CNIH3: variants seen among roughly 807,000 people sequenced by gnomAD.
CNIH3 encodes the protein cornichon family AMPA receptor auxiliary protein 3, also known as protein cornichon homolog 3.
CNIH3 carries 14 observed loss-of-function variants against 24.1 expected under a neutral mutation model. That is an observed-to-expected ratio of 0.58 (90% CI 0.38 to 0.91). The LOEUF (loss-of-function observed/expected upper bound fraction) is 0.91, where lower values mean the gene tolerates loss of function less well. Ranked by LOEUF, CNIH3 falls within the 40% of genes least tolerant of loss-of-function variation. The pLI is 0.00. For missense variants in CNIH3, 178 were observed against 196.8 expected (o/e 0.90, Z 0.57); for synonymous variants, 68 against 73.8 (o/e 0.92, Z 0.40).
intron 1 of CNIH3, among the ~76,000 whole-genome samples, chr1:224,638,761 G>A (rs992479770): frequency 1.3e-5 from 2 of 152,176 alleles, no homozygotes; most frequent in African/African-American, 2.4e-5. Context: ...ATGATACTCC[G>A]TCTTATCTTC....
At chr1:224,526,818 TC>T (rs922877203) in intron 2 of CNIH3, among the ~76,000 whole-genome samples, 4 of 152,134 alleles carry the variant, frequency 2.6e-5, no homozygotes, top group African/African-American at 9.7e-5. Flanking sequence ...CGGGGAGGCC[TC>T]TAGAAGCTTC....
chr1:224,697,274 C>T (rs985581284), intron 3 of CNIH3, among the ~76,000 whole-genome samples: 5 of 152,174 alleles, frequency 3.3e-5, no homozygotes, highest in Admixed American at 1.3e-4. Context: ...AAATTGCTTG[C>T]GGAGGTTAAA....
At chr1:224,456,572 A>G (rs1366971001) in intron 1 of CNIH3, among the ~76,000 whole-genome samples, 1 of 152,068 alleles carries the variant, frequency 6.6e-6, no homozygotes, top group Non-Finnish European at 1.5e-5. Flanking sequence ...CACCACACCC[A>G]GCTAATTTTT....
At chr1:224,689,510 C>T (rs1031508078) in intron 3 of CNIH3, among the ~76,000 whole-genome samples, 3 of 152,192 alleles carry the variant, frequency 2.0e-5, no homozygotes, top group African/African-American at 7.2e-5. Flanking sequence ...GCCTGGGCCT[C>T]CTCCCTCCCG....
intron 1 of CNIH3, among the ~76,000 whole-genome samples, chr1:224,472,041 C>T (rs1313616549): frequency 1.3e-5 from 2 of 152,194 alleles, no homozygotes; most frequent in Non-Finnish European, 2.9e-5. Flanking sequence ...GCAGATATCT[C>T]TTCGATATAC....
chr1:224,491,908 C>A (rs1480055950), intron 1 of CNIH3, among the ~76,000 whole-genome samples: 1 of 152,076 alleles, frequency 6.6e-6, no homozygotes, highest in Admixed American at 6.6e-5. Flanking sequence ...GCACCTGGCC[C>A]ATTTATTTAC....
chr1:224,725,336 G>A (rs553800188), intron 3 of CNIH3, among the ~76,000 whole-genome samples: 3 of 152,332 alleles, frequency 2.0e-5, no homozygotes, highest in South Asian at 4.1e-4. Flanking sequence ...TGGCTGGTAG[G>A]TATGGCATTT....
At chr1:224,478,285 C>G (rs914082095) in intron 1 of CNIH3, among the ~76,000 whole-genome samples, 1 of 152,092 alleles carries the variant, frequency 6.6e-6, no homozygotes, top group Non-Finnish European at 1.5e-5. Context: ...TCTTTAAGGC[C>G]AATAACTCTT....
intron 2 of CNIH3, among the ~76,000 whole-genome samples, chr1:224,542,877 T>C (rs1237044330): frequency 1.3e-5 from 2 of 152,256 alleles, no homozygotes; most frequent in Non-Finnish European, 1.5e-5. Context: ...GTCTTTGTCC[T>C]AGTTCCTGGC....
intron 1 of CNIH3, among the ~76,000 whole-genome samples, chr1:224,438,423 A>G (rs1558457649): frequency 6.6e-6 from 1 of 152,192 alleles, no homozygotes; most frequent in Non-Finnish European, 1.5e-5. Flanking sequence ...GATAGTATAA[A>G]TGTTTATAAT....
At chr1:224,712,913 C>A (rs1688231917) in intron 3 of CNIH3, among the ~76,000 whole-genome samples, 1 of 152,198 alleles carries the variant, frequency 6.6e-6, no homozygotes, top group Admixed American at 6.5e-5. Flanking sequence ...CTGGCAACCA[C>A]CTTAAAAACT....
At chr1:224,616,210 C>A (rs990689824), upstream of CNIH3, 18 of 155,434 alleles carry the variant, frequency 1.2e-4, no homozygotes, top group Non-Finnish European at 1.7e-4. Flanking sequence ...TTCCTCAGCC[C>A]CCGGCGCTGC....
chr1:224,471,685 G>T (rs1344162760), intron 1 of CNIH3, among the ~76,000 whole-genome samples: 1 of 151,798 alleles, frequency 6.6e-6, no homozygotes, highest in African/African-American at 2.4e-5. Flanking sequence ...ACGCCTCCTG[G>T]GTTCAAGCAG....
intron 1 of CNIH3, among the ~76,000 whole-genome samples, chr1:224,466,426 A>G (rs139241980): frequency 1.8e-3 from 279 of 152,312 alleles, no homozygotes; most frequent in African/African-American, 6.2e-3. Context: ...GCCTAATTCT[A>G]TCGTAGTTTT....
intron 1 of CNIH3, among the ~76,000 whole-genome samples, chr1:224,481,155 A>T (rs1015710020): frequency 6.6e-6 from 1 of 152,214 alleles, no homozygotes; most frequent in African/African-American, 2.4e-5. Context: ...ACTCCTCCTT[A>T]TCATAACCAT....
chr1:224,510,029 A>C (rs1332695150), intron 1 of CNIH3, among the ~76,000 whole-genome samples: 1 of 152,180 alleles, frequency 6.6e-6, no homozygotes, highest in African/African-American at 2.4e-5. Flanking sequence ...TCCTTTTCTT[A>C]GTCTGCTTCC....
chr1:224,600,987 GCCT>G (rs1240615325), intron 3 of CNIH3, among the ~76,000 whole-genome samples: 1 of 152,180 alleles, frequency 6.6e-6, no homozygotes, highest in Non-Finnish European at 1.5e-5. Context: ...CTCAATTCTT[GCCT>G]CCTCAGAAGA....
chr1:224,491,400 T>C (rs1227394463), intron 1 of CNIH3, among the ~76,000 whole-genome samples: 1 of 152,188 alleles, frequency 6.6e-6, no homozygotes, highest in Non-Finnish European at 1.5e-5. Flanking sequence ...GTTAAATTTG[T>C]AGGAATTTTG....
Position 224,646,644 on chromosome 1 carries a change from A to G in CNIH3, c.81+29389A>G, listed in dbSNP as rs150928432. On this transcript the variant is annotated intron_variant, in intron 1 of 5. Transcript: ENST00000272133. ...TGGTCTCCAATTCCTGGACTCAAGC[A>G]ACCCTCCTGCTTCGGCATCCTAAAT... Among the ~76,000 whole-genome samples, 588 of 152,188 alleles carry G rather than the reference A, an allele frequency of 3.9e-3. 4 individuals carry two copies. Among genetic ancestry groups the G allele is most frequent in the Non-Finnish European group, 4.8e-3 (324 of 68,004 alleles).
Sources: gnomAD v4.1 joint callset for allele counts (sites outside exome capture counted in the v4.1 genomes callset) on GRCh38, gnomAD v4.1.1 for gene constraint, MANE v1.5 for transcripts, NCBI Gene and HGNC (gene_info 2026-07-23, HGNC 2026-07-21) for gene names.